MYO7B: variants seen among roughly 807,000 people sequenced by gnomAD.
MYO7B encodes unconventional myosin-VIIb.
MYO7B carries 212 observed loss-of-function variants against 259.7 expected under a neutral mutation model. The observed-to-expected ratio is 0.82, with a 90% CI of 0.73 to 0.91. The LOEUF (loss-of-function observed/expected upper bound fraction) is 0.91. Among genes scored for constraint, MYO7B ranks in the 40% least tolerant of loss-of-function variants. The pLI is 0.00. For synonymous variants in MYO7B, 1,197 were observed against 1,166.4 expected (o/e 1.03, Z -0.54); for missense variants, 2,732 against 2,813.5 (o/e 0.97, Z 0.66).
intron 1 of MYO7B, among the ~76,000 whole-genome samples, chr2:127,545,734 G>A (rs866041638): frequency 6.6e-6 from 1 of 152,174 alleles, no homozygotes; most frequent in East Asian, 1.9e-4. Flanking sequence ...TGTGCCTCAC[G>A]GGCTTATTGT....
intron 1 of MYO7B, among the ~76,000 whole-genome samples, chr2:127,536,467 T>G (rs1309094576): frequency 1.3e-3 from 134 of 105,652 alleles, no homozygotes; most frequent in Non-Finnish European, 1.6e-3. Flanking sequence ...TGGGGTGTGG[T>G]GGGGGGGGGG....
intron 1 of MYO7B, among the ~76,000 whole-genome samples, chr2:127,552,703 GC>G (rs1201301317): frequency 1.3e-5 from 2 of 152,150 alleles, no homozygotes; most frequent in Non-Finnish European, 2.9e-5. Context: ...CCACGGGTGG[GC>G]CTCAAACTTC....
chr2:127,592,423 A>T (rs72843363), intron 16 of MYO7B, among the ~76,000 whole-genome samples: 3,705 of 152,252 alleles, frequency 0.024, 54 homozygotes, highest in Non-Finnish European at 0.036. Flanking sequence ...AATTTAAAAA[A>T]TTTTTTTAAA....
intron 6 of MYO7B, among the ~76,000 whole-genome samples, chr2:127,573,512 TA>T (rs1678733336): frequency 6.6e-6 from 1 of 152,170 alleles, no homozygotes; most frequent in South Asian, 2.1e-4. Context: ...GCCATCTTTC[TA>T]AGCTGTGAAT....
intron 15 of MYO7B, 67 bp downstream of exon 15, chr2:127,588,622 A>C: frequency 6.3e-7 from 1 of 1,580,152 alleles, no homozygotes; most frequent in Non-Finnish European, 8.6e-7. Flanking sequence ...AGACATGTAC[A>C]GGAAAGACTG....
At chr2:127,621,791 A>T (rs1316389302) in intron 27 of MYO7B, among the ~76,000 whole-genome samples, 191 bp from the exon 28 acceptor site, 1 of 152,218 alleles carries the variant, frequency 6.6e-6, no homozygotes, top group Non-Finnish European at 1.5e-5. Flanking sequence ...AAGACTATGC[A>T]CCGTTTAAAA....
Position 127,590,445 on chromosome 2 carries a change from T to G in MYO7B, c.1992+216T>G, listed in dbSNP as rs1219909609. On this transcript the variant is annotated intron_variant, in intron 16 of 47. Transcript: ENST00000409816. This position sits in a 1 kb window ranked among gnomAD's most constrained non-coding sequence, Gnocchi z 4.6. ...TGGGTTGCTGAGACCTCAGTTCCCT[T>G]AGCTCCGCCATGCATCTTCTGTGCG... 6.6e-6 allele frequency among the ~76,000 whole-genome samples: 1 copy of G among 152,254 alleles called. No homozygotes were observed. Among genetic ancestry groups the G allele is most frequent in the African/African-American group, 2.4e-5 (1 of 41,464 alleles).
chr2:127,545,869 A>G (rs1693208720), intron 1 of MYO7B, among the ~76,000 whole-genome samples: 1 of 152,188 alleles, frequency 6.6e-6, no homozygotes, highest in South Asian at 2.1e-4. Context: ...CCTCTCCCCA[A>G]GGCTGACCAT....
chr2:127,632,104 C>A, intron 38 of MYO7B, 142 bp from the exon 39 acceptor site: 1 of 1,010,660 alleles, frequency 9.9e-7, no homozygotes, highest in Non-Finnish European at 1.4e-6. Flanking sequence ...GCACAGCTGG[C>A]ATGGTGCAGC....
chr2:127,578,164 A>C lies in MYO7B; in HGVS notation c.881A>C (p.Asp294Ala). ...TGCACTTCCTGTGAGGGGCTCAACG[A>C]CGCCAAGGACTACGCCCACATCCGC... is the stretch of plus-strand genomic sequence containing the variant. ...GNCTSCEGLNDAKDYAHIRSA... is the reference protein window; with the variant it reads ...GNCTSCEGLNAAKDYAHIRSA... Residue 294 changes from aspartate (D) to alanine (A), a missense_variant, in exon 9 of 48, where the codon GAC (aspartate) becomes GCC (alanine). By Grantham distance (126) the Asp-to-Ala change is moderately radical. Transcript: ENST00000409816. 6.2e-7 allele frequency: 1 copy of C among 1,613,758 alleles called. No individual in the cohort carries two copies. The highest frequency in any genetic ancestry group is 8.5e-7 in the Non-Finnish European group (1 of 1,179,844).
chr2:127,555,634 A>G (rs900084477), intron 1 of MYO7B, among the ~76,000 whole-genome samples: 3 of 152,152 alleles, frequency 2.0e-5, no homozygotes, highest in Admixed American at 6.6e-5. Flanking sequence ...TTAAATTTCC[A>G]TCTTGATTTC....
In MYO7B at chr2:127,581,868, G is replaced by A. The variant is rs147277258; in HGVS notation, c.1081-23G>A. 9.1e-5 allele frequency: 146 copies of A among 1,612,668 alleles called. No individual in the cohort carries two copies. The East Asian group carries it at 2.2e-3, about 24-fold the overall frequency. ...CCAGGCCCTGCTCCACAGGTGCGACGCAGCCCCCACCTGCCTCCCCAGGTG... is the reference window on the plus strand; with the variant it reads ...CCAGGCCCTGCTCCACAGGTGCGACACAGCCCCCACCTGCCTCCCCAGGTG... On this transcript the variant is annotated intron_variant, in intron 10 of 47. Coordinates refer to ENST00000409816, the MANE Select transcript of MYO7B (RefSeq NM_001393586.1).
chr2:127,608,657 C>T, intron 21 of MYO7B, 51 bp from the exon 22 acceptor site: 1 of 1,564,252 alleles, frequency 6.4e-7, no homozygotes, highest in South Asian at 1.2e-5. Flanking sequence ...AGGGCTGGGC[C>T]CCCTGAGCCC....
intron 43 of MYO7B, 148 bp downstream of exon 43, chr2:127,635,374 C>A: frequency 1.4e-6 from 1 of 738,246 alleles, no homozygotes; most frequent in Non-Finnish European, 2.2e-6. Flanking sequence ...CCCCTGAGGG[C>A]TCTGGAACCA....
chr2:127,637,313 C>G lies in MYO7B; in HGVS notation c.6328-3C>G, dbSNP rs1381868700. On this transcript the variant is annotated splice_region_variant and splice_polypyrimidine_tract_variant and intron_variant, in intron 47 of 47. Transcript: ENST00000409816. ...GCCTCTGACCCCCCCGTCCCCTGTCCAGGGCTATAAGATGGATGACCTGCT... is the reference window on the plus strand; with the variant it reads ...GCCTCTGACCCCCCCGTCCCCTGTCGAGGGCTATAAGATGGATGACCTGCT... The G allele has an allele frequency of 6.3e-7, 1 of 1,577,414 alleles. No homozygotes were observed. Among genetic ancestry groups the G allele is most frequent in the East Asian group, 2.3e-5 (1 of 43,154 alleles).
intron 1 of MYO7B, among the ~76,000 whole-genome samples, chr2:127,541,657 G>GTACA (rs1693008322): frequency 6.6e-6 from 1 of 152,224 alleles, no homozygotes; most frequent in Non-Finnish European, 1.5e-5. Context: ...TGTACATGGT[G>GTACA]GGGAGGGATA....
At position 127,550,334 on chromosome 2, in the gene MYO7B, G is replaced by T. The variant is rs149181186; in HGVS notation, c.-23-9366G>T. 4.9e-4 allele frequency among the ~76,000 whole-genome samples: 75 copies of T among 152,284 alleles called. 2 individuals carry two copies. In the East Asian group the frequency reaches 0.013, roughly 27 times the overall value. ...TAATCCCAGCACTTTCAGAGGACAAGGTGGGCAGCTCACTTGAGGCCAGGA... is the reference window on the plus strand; with the variant it reads ...TAATCCCAGCACTTTCAGAGGACAATGTGGGCAGCTCACTTGAGGCCAGGA... On this transcript the variant is annotated intron_variant, in intron 1 of 47. Coordinates refer to ENST00000409816, the MANE Select transcript of MYO7B (RefSeq NM_001393586.1).
chr2:127,624,788 T>C (rs1271032984), intron 30 of MYO7B, among the ~76,000 whole-genome samples: 31 of 151,848 alleles, frequency 2.0e-4, no homozygotes, highest in Admixed American at 2.0e-3. Flanking sequence ...TTGTAGGGGA[T>C]TGTGAGAAAG....
rs778918386 is a variant in MYO7B at position 127,576,688 on chromosome 2, G to T, written c.829G>T (p.Glu277Ter). The T allele has an allele frequency of 6.2e-7, 1 of 1,607,284 alleles. No individual in the cohort carries two copies. The highest frequency in any genetic ancestry group is 1.1e-5 in the South Asian group (1 of 90,732). ...GCTGCTGAGCCTGGGCACGCCCTCC[G>T]AGTACCACTACCTGACCATGGTGAG... is the stretch of plus-strand genomic sequence containing the variant. ...KQLLSLGTPSEYHYLTMGNCT... is the reference protein window; with the variant it reads ...KQLLSLGTPS The change falls in exon 8 of 48, where the codon GAG (glutamate) becomes TAG (stop). Residue 277 changes from glutamate to a stop codon, truncating the protein, a stop_gained. Transcript: ENST00000409816. LOFTEE classifies it high-confidence loss of function. This position sits in a 1 kb window ranked among gnomAD's most constrained non-coding sequence, Gnocchi z 4.9.
Sources: allele counts gnomAD v4.1 joint callset (sites outside exome capture counted in the v4.1 genomes callset), GRCh38; gene constraint gnomAD v4.1.1; non-coding constraint Gnocchi (gnomAD v3.1); transcripts MANE v1.5; gene names NCBI Gene and HGNC (gene_info 2026-07-23, HGNC 2026-07-21).